Variants in GALNT13 observed in about 807,000 individuals in gnomAD.
The protein encoded by GALNT13 is UDP-GalNAc:polypeptide N-acetylgalactosaminyltransferase 13.
GALNT13 carries 28 observed loss-of-function variants against 64.2 expected under a neutral mutation model. The observed-to-expected ratio is 0.44, with a 90% CI of 0.32 to 0.60. The LOEUF is 0.60. GALNT13 is among the 20% of genes least tolerant of loss of function. The pLI is 0.05. For missense variants in GALNT13, 577 were observed against 669.8 expected, an observed-to-expected ratio of 0.86 and a Z score of 1.53; for synonymous variants, 214 against 224.6, an observed-to-expected ratio of 0.95 and a Z score of 0.42.
the GALNT13 span, among the ~76,000 whole-genome samples, chr2:153,260,162 T>C: frequency 3.3e-5 from 5 of 152,360 alleles, no homozygotes; most frequent in African/African-American, 1.2e-4. Flanking sequence ...TATTATATGG[T>C]CTATGTCTTG....
the GALNT13 span, among the ~76,000 whole-genome samples, chr2:153,132,559 G>A: frequency 9.2e-5 from 14 of 152,222 alleles, no homozygotes; most frequent in East Asian, 3.9e-4. Context: ...AGTCTATCCC[G>A]TGAGTCATGC....
At chr2:154,261,169 G>C (rs997033085) in intron 8 of GALNT13, among the ~76,000 whole-genome samples, 1 of 152,122 alleles carries the variant, frequency 6.6e-6, no homozygotes, top group African/African-American at 2.4e-5. Flanking sequence ...CAGATACCAA[G>C]GGTACAGAAG....
At chr2:154,434,015 G>T (rs556261330) in intron 11 of GALNT13, among the ~76,000 whole-genome samples, 1 of 152,306 alleles carries the variant, frequency 6.6e-6, no homozygotes, top group East Asian at 1.9e-4. Flanking sequence ...TAGGACACAT[G>T]CAAACAGAGA....
chr2:153,856,581 A>G, the GALNT13 span, among the ~76,000 whole-genome samples: 1 of 152,294 alleles, frequency 6.6e-6, no homozygotes, highest in South Asian at 2.1e-4. Context: ...AAAATGAGGT[A>G]AATCCGAACT....
At chr2:153,188,822 G>T in the GALNT13 span, among the ~76,000 whole-genome samples, 1 of 151,886 alleles carries the variant, frequency 6.6e-6, no homozygotes, top group Non-Finnish European at 1.5e-5. Context: ...TTTCTTATAT[G>T]CAAGAAAAAT....
At chr2:154,433,773 A>G (rs1000152729) in intron 11 of GALNT13, among the ~76,000 whole-genome samples, 2 of 150,930 alleles carry the variant, frequency 1.3e-5, no homozygotes, top group Admixed American at 1.3e-4. Flanking sequence ...AAATTCATGT[A>G]CACCATGTTT....
the GALNT13 span, among the ~76,000 whole-genome samples, chr2:153,250,973 C>A: frequency 1.2e-4 from 18 of 152,082 alleles, no homozygotes; most frequent in African/African-American, 4.3e-4. Flanking sequence ...TAGCAAACAA[C>A]CATGGCATAT....
At chr2:154,003,535 C>T (rs1488816452) in intron 3 of GALNT13, among the ~76,000 whole-genome samples, 2 of 152,072 alleles carry the variant, frequency 1.3e-5, no homozygotes, top group Non-Finnish European at 2.9e-5. Context: ...GCTGAGGGAT[C>T]TTCTATCCTG....
At chr2:154,335,994 A>C (rs548469079) in intron 9 of GALNT13, among the ~76,000 whole-genome samples, 1 of 152,160 alleles carries the variant, frequency 6.6e-6, no homozygotes, top group Admixed American at 6.6e-5. Flanking sequence ...GAAATCTTTT[A>C]GGAATTCAAA....
the GALNT13 span, among the ~76,000 whole-genome samples, chr2:153,507,903 C>T: frequency 4.6e-5 from 7 of 152,162 alleles, no homozygotes; most frequent in East Asian, 1.4e-3. Flanking sequence ...AGGGATGGGG[C>T]TTCCAGAGAG....
chr2:154,088,265 T>C (rs929423846), intron 3 of GALNT13, among the ~76,000 whole-genome samples: 38 of 152,148 alleles, frequency 2.5e-4, no homozygotes, highest in African/African-American at 8.4e-4. Flanking sequence ...TTAATAGATA[T>C]GAAGAAAAAA....
intron 9 of GALNT13, among the ~76,000 whole-genome samples, chr2:154,306,013 TC>T (rs894022704): frequency 5.9e-5 from 9 of 152,206 alleles, no homozygotes; most frequent in Admixed American, 1.3e-4. Context: ...TCCATGGGTG[TC>T]TGGTTTATAC....
At chr2:153,249,697 G>A in the GALNT13 span, among the ~76,000 whole-genome samples, 1 of 152,086 alleles carries the variant, frequency 6.6e-6, no homozygotes, top group African/African-American at 2.4e-5. Context: ...CAATGGAACA[G>A]AACAGAGACC....
At chr2:153,872,338 CTTGA>C (rs1381570740) in intron 1 of GALNT13, 35 bp downstream of exon 1, 1 of 152,326 alleles carries the variant, frequency 6.6e-6, no homozygotes, top group Non-Finnish European at 1.5e-5. Flanking sequence ...CTCTTTTCCT[CTTGA>C]TTGTCTGGGA....
chr2:154,132,317 G>T (rs937363007), intron 3 of GALNT13, among the ~76,000 whole-genome samples: 3 of 137,254 alleles, frequency 2.2e-5, no homozygotes, highest in African/African-American at 8.5e-5. Context: ...CTTCATTGCT[G>T]ATATATGCAT....
chr2:153,628,168 A>C, the GALNT13 span, among the ~76,000 whole-genome samples: 2 of 151,984 alleles, frequency 1.3e-5, no homozygotes, highest in Non-Finnish European at 2.9e-5. Flanking sequence ...GTGTATAAGA[A>C]TGCTTGTGAT....
chr2:153,965,591 A>G (rs7572493), intron 3 of GALNT13, among the ~76,000 whole-genome samples: 28,295 of 151,976 alleles, frequency 0.19, 3,377 homozygotes, highest in Non-Finnish European at 0.26. Flanking sequence ...TGTTTCATAA[A>G]TCCTTTCTTT....
chr2:153,828,841 C>G, the GALNT13 span, among the ~76,000 whole-genome samples: 4 of 152,136 alleles, frequency 2.6e-5, no homozygotes, highest in Non-Finnish European at 4.4e-5. Context: ...AAACTGAATG[C>G]CTTTAACAGC....
At chr2:153,400,648 T>C in the GALNT13 span, among the ~76,000 whole-genome samples, 1 of 152,216 alleles carries the variant, frequency 6.6e-6, no homozygotes, top group Non-Finnish European at 1.5e-5. Flanking sequence ...CCTGGTTTAG[T>C]CTTGGGAGAG....
Sources: allele counts gnomAD v4.1 joint callset (sites outside exome capture counted in the v4.1 genomes callset), GRCh38; gene constraint gnomAD v4.1.1; transcripts MANE v1.5; gene names NCBI Gene and HGNC (gene_info 2026-07-23, HGNC 2026-07-21).